Variants in PARD3B observed in about 807,000 individuals in gnomAD.
PARD3B encodes the protein par-3 family cell polarity regulator beta, also known as partitioning defective 3 homolog B.
In PARD3B, 103 loss-of-function variants were observed where a neutral mutation model predicts 130.2. That is an observed-to-expected ratio of 0.79 (90% CI 0.67 to 0.93). The LOEUF (loss-of-function observed/expected upper bound fraction) is 0.93. Ranked by LOEUF, PARD3B falls within the 40% of genes least tolerant of loss-of-function variation. The probability of loss-of-function intolerance (pLI) is 0.00; values close to 1 mark genes in which losing one functional copy is unlikely to be tolerated. For synonymous variants in PARD3B, 583 were observed against 553.2 expected, an observed-to-expected ratio of 1.05 and a Z score of -0.76; for missense variants, 1,609 against 1,499.2, an observed-to-expected ratio of 1.07 and a Z score of -1.21.
At chr2:205,553,607 G>A (rs953727887) in intron 22 of PARD3B, among the ~76,000 whole-genome samples, 1 of 152,180 alleles carries the variant, frequency 6.6e-6, no homozygotes, top group African/African-American at 2.4e-5. Context: ...GGAGAAAATA[G>A]TATATCATTG....
chr2:205,245,767 C>G lies in PARD3B; in HGVS notation c.2141-11C>G. On this transcript the variant is annotated splice_polypyrimidine_tract_variant and intron_variant, in intron 15 of 22. Coordinates refer to ENST00000406610, the MANE Select transcript of PARD3B (RefSeq NM_001302769.2). ...GGTCTGATCCTTGTCTCTTTTATTTCTTCTCCTCAGTGCCAGATGAAAGCA... is the reference window on the plus strand; with the variant it reads ...GGTCTGATCCTTGTCTCTTTTATTTGTTCTCCTCAGTGCCAGATGAAAGCA... The G allele has an allele frequency of 6.3e-7, 1 of 1,589,948 alleles. No individual in the cohort carries two copies. Among genetic ancestry groups the G allele is most frequent in the Non-Finnish European group, 8.6e-7 (1 of 1,160,228 alleles).
chr2:205,520,853 A>AAAGGATATTAAGTAATTGGTTAATCACTT (rs2051015860), intron 21 of PARD3B, among the ~76,000 whole-genome samples: 3 of 152,070 alleles, frequency 2.0e-5, no homozygotes, highest in African/African-American at 7.2e-5. Context: ...TATTTTCTAG[A>AAAGGATATTAAGTAATTGGTTAATCACTT]AAGGATATTA....
chr2:204,858,263 A>G (rs947871572), intron 2 of PARD3B, among the ~76,000 whole-genome samples: 19 of 152,294 alleles, frequency 1.2e-4, no homozygotes, highest in African/African-American at 4.6e-4. Context: ...GATCACCTCA[A>G]TTGAAACATG....
chr2:205,003,174 T>G (rs1694986573), intron 3 of PARD3B, among the ~76,000 whole-genome samples: 1 of 152,216 alleles, frequency 6.6e-6, no homozygotes, highest in African/African-American at 2.4e-5. Flanking sequence ...CATTTCGACA[T>G]TGACTGCCTT....
rs1185147550 is a variant in PARD3B at position 205,116,260 on chromosome 2, AT to A, written c.681-2660del. Among the ~76,000 whole-genome samples the A allele has an allele frequency of 1.3e-5, 2 of 152,208 alleles. No homozygotes were observed. The highest frequency in any genetic ancestry group is 4.8e-5 in the African/African-American group (2 of 41,452). ...ATCTAATTCGTTTCAGTACAGATGC[AT>A]AATATGCCTCAGTTTCATAGGGAAG... On this transcript the variant is annotated intron_variant, in intron 6 of 22. Coordinates refer to ENST00000406610, the MANE Select transcript of PARD3B (RefSeq NM_001302769.2). The surrounding 1 kb of genome is among the most constrained non-coding windows in gnomAD (Gnocchi z 4.5).
intron 15 of PARD3B, among the ~76,000 whole-genome samples, chr2:205,239,039 G>T (rs968137724): frequency 6.6e-6 from 1 of 150,594 alleles, no homozygotes; most frequent in Non-Finnish European, 1.5e-5. Context: ...ACCTACTTCT[G>T]TTAGGTTTCA....
chr2:204,714,982 T>C (rs1003229975), intron 2 of PARD3B, among the ~76,000 whole-genome samples: 3 of 152,200 alleles, frequency 2.0e-5, no homozygotes, highest in African/African-American at 7.2e-5. Flanking sequence ...GTTGACAAAT[T>C]ATCCTTTAAA....
At chr2:205,536,342 T>C (rs1412412486) in intron 21 of PARD3B, among the ~76,000 whole-genome samples, 1 of 152,174 alleles carries the variant, frequency 6.6e-6, no homozygotes. Context: ...TCTATTCCTG[T>C]TCTTTCCACA....
chr2:204,981,906 A>G (rs1269236704), intron 3 of PARD3B, among the ~76,000 whole-genome samples: 3 of 152,036 alleles, frequency 2.0e-5, no homozygotes, highest in Non-Finnish European at 2.9e-5. Flanking sequence ...TTTGAGAAAA[A>G]TTCTTCATCT....
At chr2:205,100,791 C>A (rs924920145) in intron 4 of PARD3B, among the ~76,000 whole-genome samples, 1 of 151,938 alleles carries the variant, frequency 6.6e-6, no homozygotes, top group Non-Finnish European at 1.5e-5. Context: ...TATCCACATG[C>A]AAAGAATGAA....
At chr2:204,958,405 C>A (rs1319881889) in intron 2 of PARD3B, among the ~76,000 whole-genome samples, 1 of 152,188 alleles carries the variant, frequency 6.6e-6, no homozygotes, top group East Asian at 1.9e-4. Context: ...CAGCACAAAC[C>A]ATGTACTGCT....
intron 18 of PARD3B, among the ~76,000 whole-genome samples, chr2:205,385,315 C>A (rs2045623190): frequency 6.6e-6 from 1 of 152,042 alleles, no homozygotes; most frequent in Non-Finnish European, 1.5e-5. Flanking sequence ...CTCTTGCTAC[C>A]TGATACAGGG....
In PARD3B at chr2:205,499,887, A is replaced by T; in HGVS notation, c.3045-9A>T. 6.2e-7 allele frequency: 1 copy of T among 1,612,992 alleles called. No homozygotes were observed. Among genetic ancestry groups the T allele is most frequent in the Non-Finnish European group, 8.5e-7 (1 of 1,179,160 alleles). On this transcript the variant is annotated splice_polypyrimidine_tract_variant and intron_variant, in intron 20 of 22. Transcript: ENST00000406610. ...TGTGTGAATCTGATTATTTGTCTAT[A>T]TCCTGTAGTGGCCGTCCTACGGGTG...
intron 18 of PARD3B, among the ~76,000 whole-genome samples, chr2:205,331,146 G>A (rs527945539): frequency 6.6e-6 from 1 of 152,032 alleles, no homozygotes; most frequent in African/African-American, 2.4e-5. Context: ...CAAAGACAGG[G>A]CAAACACAAG....
At chr2:205,365,923 A>G (rs2044591442) in intron 18 of PARD3B, among the ~76,000 whole-genome samples, 1 of 152,224 alleles carries the variant, frequency 6.6e-6, no homozygotes, top group Non-Finnish European at 1.5e-5. Flanking sequence ...GATCTTTCCA[A>G]TTATTTTGGA....
chr2:205,176,605 C>T lies in PARD3B; in HGVS notation c.1924+28C>T. On this transcript the variant is annotated intron_variant, in intron 13 of 22. Coordinates refer to ENST00000406610, the MANE Select transcript of PARD3B (RefSeq NM_001302769.2). This position sits in a 1 kb window ranked among gnomAD's most constrained non-coding sequence, Gnocchi z 5.3. ...AAGAGTCTATTCATTTTATCCACTG[C>T]AAATGGAGTGAGAAAACACAAAAGT... 2.0e-6 allele frequency: 3 copies of T among 1,519,056 alleles called. No individual in the cohort carries two copies. Among genetic ancestry groups the T allele is most frequent in the South Asian group, 2.5e-5 (2 of 78,456 alleles). 94.1% of individuals were successfully genotyped at this position (1,519,056 alleles called of 1,614,324 possible).
At chr2:205,203,232 C>T (rs918755927) in intron 15 of PARD3B, among the ~76,000 whole-genome samples, 1 of 152,118 alleles carries the variant, frequency 6.6e-6, no homozygotes, top group Non-Finnish European at 1.5e-5. Flanking sequence ...ATTGTCTGTG[C>T]TCTGATTAGA....
At chr2:204,973,514 T>C (rs1321652114) in intron 3 of PARD3B, among the ~76,000 whole-genome samples, 1 of 152,116 alleles carries the variant, frequency 6.6e-6, no homozygotes, top group Non-Finnish European at 1.5e-5. Flanking sequence ...GATTTTTTTT[T>C]TCTCTCTGAG....
At chr2:205,290,646 A>G (rs1158616424) in intron 16 of PARD3B, among the ~76,000 whole-genome samples, 1 of 152,228 alleles carries the variant, frequency 6.6e-6, no homozygotes. Flanking sequence ...TAGCCATTTC[A>G]TCAGTCAAAC....
Sources: allele counts gnomAD v4.1 joint callset (sites outside exome capture counted in the v4.1 genomes callset), GRCh38; gene constraint gnomAD v4.1.1; non-coding constraint Gnocchi (gnomAD v3.1); transcripts MANE v1.5; gene names NCBI Gene and HGNC (gene_info 2026-07-23, HGNC 2026-07-21).